The following CFTR variants were observed in gnomAD, a reference collection of about 807,000 sequenced individuals.
CFTR encodes the protein CF transmembrane conductance regulator, also known as cystic fibrosis transmembrane conductance regulator.
A neutral mutation model predicts 171.6 loss-of-function variants in CFTR; 181 were observed. The ratio of observed to expected loss-of-function variants is 1.05; its 90% confidence interval spans 0.93 to 1.19. The LOEUF (loss-of-function observed/expected upper bound fraction) is 1.19, where lower values mean the gene tolerates loss of function less well. Ranked by LOEUF, CFTR falls within the 50% of genes most tolerant of loss-of-function variation. The pLI is 0.00. For missense variants in CFTR, 1,968 were observed against 1,734.7 expected (o/e 1.13, Z -2.39); for synonymous variants, 583 against 608.0 (o/e 0.96, Z 0.60).
Position 117,480,032 on chromosome 7 carries a change from G to T in CFTR, c.-63G>T. 6.8e-7 allele frequency: 1 copy of T among 1,471,024 alleles called. No homozygotes were observed. The allele number at this position is 1,471,024 out of a possible 1,614,324, so 91.1% of individuals were successfully genotyped here. A position where few individuals can be genotyped will look rare whatever the true frequency, so the allele number is the denominator to read the frequency against. On this transcript the variant is annotated 5_prime_UTR_variant, in exon 1 of 27. Transcript: ENST00000003084. ...GAGCGGCAGGCACCCAGAGTAGTAG[G>T]TCTTTGGCATTAGGAGCTTGAGCCC...
rs773328681 is a variant in CFTR at position 117,592,514 on chromosome 7, A to G, written c.2347A>G (p.Ile783Val). The change falls in exon 14 of 27, where the codon ATT (isoleucine) becomes GTT (valine). Residue 783 changes from isoleucine (I) to valine (V), a missense_variant. Ile to Val is a conservative substitution (Grantham distance 29). Coordinates refer to ENST00000003084, the MANE Select transcript of CFTR (RefSeq NM_000492.4). ...MTHSVNQGQNIHRKTTASTRK... is the reference protein window; with the variant it reads ...MTHSVNQGQNVHRKTTASTRK... ...ACACTCAGTTAACCAAGGTCAGAAC[A>G]TTCACCGAAAGACAACAGCATCCAC... 5.2e-6 allele frequency: 8 copies of G among 1,529,854 alleles called. No individual in the cohort carries two copies. In the East Asian group the frequency reaches 1.6e-4, roughly 30 times the overall value. 94.8% of individuals were successfully genotyped at this position (1,529,854 alleles called of 1,614,324 possible).
intron 11 of CFTR, among the ~76,000 whole-genome samples, chr7:117,569,156 GT>G (rs1791648072): frequency 6.6e-6 from 1 of 152,132 alleles, no homozygotes; most frequent in African/African-American, 2.4e-5. Context: ...CCAATGGTGA[GT>G]GTAGTATAAG....
intron 3 of CFTR, among the ~76,000 whole-genome samples, chr7:117,511,549 A>G (rs1484606972): frequency 2.6e-5 from 4 of 152,158 alleles, no homozygotes; most frequent in African/African-American, 4.8e-5. Flanking sequence ...CTCAACTCCT[A>G]CTGATAACCA....
intron 23 of CFTR, among the ~76,000 whole-genome samples, chr7:117,652,224 A>T (rs1375179171): frequency 6.6e-6 from 1 of 152,174 alleles, no homozygotes; most frequent in Non-Finnish European, 1.5e-5. Flanking sequence ...TACCAGGAAC[A>T]TACATTCAGT....
At chr7:117,566,553 G>A (rs1791605461) in intron 11 of CFTR, among the ~76,000 whole-genome samples, 1 of 150,818 alleles carries the variant, frequency 6.6e-6, no homozygotes. Flanking sequence ...AGGTAATTAA[G>A]CTTCAAAGTA....
At chr7:117,627,405 A>C in intron 21 of CFTR, 117 bp from the exon 22 acceptor site, 1 of 1,072,458 alleles carries the variant, frequency 9.3e-7, no homozygotes, top group East Asian at 2.6e-5. Flanking sequence ...CCCGACAAAT[A>C]ACCAAGTGAC....
At chr7:117,551,260 G>C (rs1235016084) in intron 10 of CFTR, among the ~76,000 whole-genome samples, 1 of 152,180 alleles carries the variant, frequency 6.6e-6, no homozygotes, top group Non-Finnish European at 1.5e-5. Flanking sequence ...GTTTGTTAAA[G>C]AATGACTGTG....
intron 23 of CFTR, 88 bp from the exon 24 acceptor site, chr7:117,652,754 A>T: frequency 1.5e-6 from 1 of 686,550 alleles, no homozygotes; most frequent in Non-Finnish European, 2.5e-6. Context: ...TAATTTTTCT[A>T]CTTGAAATAT....
At position 117,665,555 on chromosome 7, in the gene CFTR, A is replaced by C; in HGVS notation, c.4233A>C (p.Gln1411His). The C allele has an allele frequency of 1.6e-5, 26 of 1,607,908 alleles. No individual in the cohort carries two copies. The highest frequency in any genetic ancestry group is 2.2e-5 in the Non-Finnish European group (26 of 1,174,508). Residue 1411 changes from glutamine to histidine, a missense_variant, in exon 26 of 27, where the codon CAA becomes CAC. By Grantham distance (24) the Gln-to-His change is conservative (BLOSUM62 0). Coordinates refer to ENST00000003084, the MANE Select transcript of CFTR (RefSeq NM_000492.4). ...GGATAGAAGCAATGCTGGAATGCCA[A>C]CAATTTTTGGTGAGTCTTTATAACT... is the stretch of plus-strand genomic sequence containing the variant. ...EHRIEAMLEC[Q>H]QFLVIEENKV... is the part of the protein sequence containing the mutation.
chr7:117,515,600 T>C (rs143641809), intron 3 of CFTR, among the ~76,000 whole-genome samples: 2,017 of 152,292 alleles, frequency 0.013, 48 homozygotes, highest in African/African-American at 0.046. Flanking sequence ...CCTCCAGCTT[T>C]GTTCTTTTTG....
At position 117,667,202 on chromosome 7, in the gene CFTR, C is replaced by T. The variant is rs144214399; in HGVS notation, c.*94C>T. On this transcript the variant is annotated 3_prime_UTR_variant, in exon 27 of 27. Transcript: ENST00000003084. ...GGAATTGGAGCTCGTGGAACAGTTA[C>T]CTCTGCCTCAGAAAACAAGGATGAA... 120 of 1,128,462 alleles carry T rather than the reference C, an allele frequency of 1.1e-4. No individual in the cohort carries two copies. The African/African-American group carries it at 1.8e-3, about 16-fold the overall frequency. 69.9% of individuals were successfully genotyped at this position (1,128,462 alleles called of 1,614,324 possible). A position where few individuals can be genotyped will look rare whatever the true frequency, so the allele number is the denominator to read the frequency against.
Position 117,652,814 on chromosome 7 carries a change from TTTC to T in CFTR, c.3874-19_3874-17del, listed in dbSNP as rs397508623. 77 of 1,105,890 alleles carry T rather than the reference TTTC, an allele frequency of 7.0e-5. No homozygotes were observed. Among genetic ancestry groups the T allele is most frequent in the South Asian group, 2.3e-4 (18 of 77,134 alleles). 68.5% of individuals were successfully genotyped at this position (1,105,890 alleles called of 1,614,324 possible). ...AAAAAGTTATTTAAGTTATTCATAC[TTTC>T]TTCTTCTTTTCTTTTTTGCTATAGA... On this transcript the variant is annotated intron_variant, in intron 23 of 26. Coordinates refer to ENST00000003084, the MANE Select transcript of CFTR (RefSeq NM_000492.4).
At chr7:117,621,419 G>T (rs895513392) in intron 21 of CFTR, among the ~76,000 whole-genome samples, 5 of 152,202 alleles carry the variant, frequency 3.3e-5, no homozygotes, top group African/African-American at 1.2e-4. Context: ...TCTTTGTAGA[G>T]AAAAGCAGCT....
chr7:117,514,466 C>T (rs980235351), intron 3 of CFTR, among the ~76,000 whole-genome samples: 5 of 152,100 alleles, frequency 3.3e-5, no homozygotes, highest in African/African-American at 1.2e-4. Context: ...GCTTCATCCA[C>T]GTCCCTGCAA....
Position 117,667,189 on chromosome 7 carries a change from C to A in CFTR, c.*81C>A. On this transcript the variant is annotated 3_prime_UTR_variant, in exon 27 of 27. Transcript: ENST00000003084. ...ACAGTCACCTCATGGAATTGGAGCT[C>A]GTGGAACAGTTACCTCTGCCTCAGA... 8.0e-7 allele frequency: 1 copy of A among 1,252,968 alleles called. No individual in the cohort carries two copies. The highest frequency in any genetic ancestry group is 1.2e-6 in the Non-Finnish European group (1 of 864,584). 77.6% of individuals were successfully genotyped at this position (1,252,968 alleles called of 1,614,324 possible).
intron 22 of CFTR, among the ~76,000 whole-genome samples, chr7:117,635,126 T>C (rs1397085467): frequency 1.3e-5 from 2 of 152,156 alleles, no homozygotes; most frequent in East Asian, 1.9e-4. Context: ...TGTCTTTTGA[T>C]GCTTTGTTGC....
At chr7:117,600,476 T>C (rs553399758) in intron 15 of CFTR, among the ~76,000 whole-genome samples, 1 of 152,152 alleles carries the variant, frequency 6.6e-6, no homozygotes, top group African/African-American at 2.4e-5. Flanking sequence ...GAATATGTCA[T>C]AGAACTGCTG....
intron 11 of CFTR, among the ~76,000 whole-genome samples, chr7:117,567,655 A>AACATAAACTCG (rs1335585970): frequency 6.6e-6 from 1 of 152,190 alleles, no homozygotes; most frequent in Non-Finnish European, 1.5e-5. Flanking sequence ...AGGAGTTCGT[A>AACATAAACTCG]TTTGTAATGA....
chr7:117,635,625 A>G (rs1792814798), intron 22 of CFTR, among the ~76,000 whole-genome samples: 2 of 151,910 alleles, frequency 1.3e-5, no homozygotes, highest in Non-Finnish European at 2.9e-5. Flanking sequence ...TTAAAAAAAC[A>G]TTTTTTAGTG....
Sources: allele counts gnomAD v4.1 joint callset (sites outside exome capture counted in the v4.1 genomes callset), GRCh38; gene constraint gnomAD v4.1.1; transcripts MANE v1.5; gene names NCBI Gene and HGNC (gene_info 2026-07-23, HGNC 2026-07-21).